The following GPHN variants were observed in gnomAD, a reference collection of about 807,000 sequenced individuals.
The protein encoded by GPHN is gephyrin.
A neutral mutation model predicts 95.5 loss-of-function variants in GPHN; 17 were observed. That is an observed-to-expected ratio of 0.18 (90% CI 0.12 to 0.27). GPHN has a LOEUF of 0.27. GPHN is among the 10% of genes least tolerant of loss of function. The pLI is 1.00. For missense variants in GPHN, 660 were observed against 978.1 expected, an observed-to-expected ratio of 0.67 and a Z score of 4.34; for synonymous variants, 320 against 322.5, an observed-to-expected ratio of 0.99 and a Z score of 0.08.
At chr14:67,102,162 G>A (rs966479476) in intron 13 of GPHN, among the ~76,000 whole-genome samples, 1 of 151,790 alleles carries the variant, frequency 6.6e-6, no homozygotes, top group South Asian at 2.1e-4. Context: ...GTGAGCCACC[G>A]CGCCCGGCCT....
chr14:67,182,934 C>T (rs2083344394), downstream of GPHN, among the ~76,000 whole-genome samples: 1 of 145,236 alleles, frequency 6.9e-6, no homozygotes, highest in Non-Finnish European at 1.5e-5. Flanking sequence ...CAGCCTCGAA[C>T]TCCTGGCCTC....
intron 1 of GPHN, among the ~76,000 whole-genome samples, chr14:66,580,346 A>T (rs573511548): frequency 3.9e-5 from 6 of 152,006 alleles, no homozygotes; most frequent in African/African-American, 1.4e-4. Flanking sequence ...TGAATGAAAT[A>T]TTAAAAATCA....
At chr14:66,863,153 A>C (rs1385799734) in intron 4 of GPHN, among the ~76,000 whole-genome samples, 1 of 152,128 alleles carries the variant, frequency 6.6e-6, no homozygotes, top group Non-Finnish European at 1.5e-5. Context: ...ATCAACATAC[A>C]AAAATCAGTA....
In GPHN at chr14:67,111,921, T is replaced by C; in HGVS notation, c.1472+2T>C. On this transcript the variant is annotated splice_donor_variant, in intron 15 of 22. Coordinates refer to ENST00000478722, the MANE Select transcript of GPHN (RefSeq NM_020806.5). LOFTEE classifies it high-confidence loss of function. The stretch of plus-strand genomic sequence containing the variant: ...AGCTCGGCCAGGCCAAGATATCAGG[T>C]AACTTCAAAACACATAGAATATATA... 6.2e-7 allele frequency: 1 copy of C among 1,608,968 alleles called. No homozygotes were observed. The highest frequency in any genetic ancestry group is 8.5e-7 in the Non-Finnish European group (1 of 1,175,334).
chr14:66,697,271 T>C (rs2068161767), intron 2 of GPHN, among the ~76,000 whole-genome samples: 1 of 152,216 alleles, frequency 6.6e-6, no homozygotes, highest in Admixed American at 6.5e-5. Context: ...TAAACAAATG[T>C]GTTTGACTAC....
the GPHN span, among the ~76,000 whole-genome samples, chr14:67,215,154 A>C: frequency 3.3e-5 from 5 of 152,174 alleles, no homozygotes; most frequent in Non-Finnish European, 5.9e-5. Flanking sequence ...TCTATCAAGC[A>C]AGGATTCCCC....
the GPHN span, among the ~76,000 whole-genome samples, chr14:67,701,509 C>T: frequency 2.7e-5 from 4 of 148,954 alleles, no homozygotes; most frequent in African/African-American, 5.0e-5. Flanking sequence ...CTGCAAACTC[C>T]GCATTCCAGG....
chr14:67,417,424 G>A, the GPHN span, among the ~76,000 whole-genome samples: 2 of 152,128 alleles, frequency 1.3e-5, no homozygotes, highest in Non-Finnish European at 2.9e-5. Flanking sequence ...CACCTCCAGA[G>A]TTATGGATAT....
At chr14:66,895,516 A>G (rs1396235850) in intron 5 of GPHN, among the ~76,000 whole-genome samples, 36 of 152,328 alleles carry the variant, frequency 2.4e-4, no homozygotes, top group Admixed American at 2.4e-3. Flanking sequence ...ATTTTAAAAA[A>G]TATGTTTATT....
chr14:66,575,377 T>G (rs1450130943), intron 1 of GPHN, among the ~76,000 whole-genome samples: 2 of 152,242 alleles, frequency 1.3e-5, no homozygotes, highest in Admixed American at 6.5e-5. Flanking sequence ...ATTTTTGTCT[T>G]TGCCATTTGA....
chr14:67,280,609 A>G, the GPHN span, among the ~76,000 whole-genome samples: 1 of 152,182 alleles, frequency 6.6e-6, no homozygotes, highest in African/African-American at 2.4e-5. Context: ...AATTTGCCAG[A>G]TCAGGTGTTG....
the GPHN span, among the ~76,000 whole-genome samples, chr14:67,230,142 T>A: frequency 3.3e-5 from 5 of 152,242 alleles, no homozygotes; most frequent in African/African-American, 1.2e-4. Flanking sequence ...GGAAAAAGAT[T>A]AATAAATTGA....
chr14:66,534,936 C>T (rs774254072), intron 1 of GPHN, among the ~76,000 whole-genome samples: 3 of 152,104 alleles, frequency 2.0e-5, no homozygotes, highest in Non-Finnish European at 4.4e-5. Context: ...AGTCATTTCA[C>T]TCTCTTAATA....
At chr14:66,798,924 T>C (rs143036076) in intron 3 of GPHN, among the ~76,000 whole-genome samples, 77 of 152,032 alleles carry the variant, frequency 5.1e-4, no homozygotes, top group African/African-American at 1.7e-3. Flanking sequence ...ATTTGAAGTT[T>C]CCTCCTTTTT....
chr14:67,345,919 C>T, the GPHN span: 1 of 1,218,084 alleles, frequency 8.2e-7, no homozygotes, highest in South Asian at 1.3e-5. Flanking sequence ...AAAATATCTT[C>T]CCTATAAAAT....
chr14:67,066,450 A>G (rs1433293396), intron 11 of GPHN, among the ~76,000 whole-genome samples: 6 of 152,106 alleles, frequency 3.9e-5, no homozygotes, highest in Admixed American at 3.3e-4. Flanking sequence ...TGTTCTCTGT[A>G]TTCCCTGAAA....
At chr14:67,179,495 T>G in intron 21 of GPHN, 83 bp from the exon 22 acceptor site, 1 of 798,390 alleles carries the variant, frequency 1.3e-6, no homozygotes. Flanking sequence ...TCCACTGTAT[T>G]CTTTGCACAA....
At chr14:67,308,152 G>A in the GPHN span, among the ~76,000 whole-genome samples, 1 of 151,314 alleles carries the variant, frequency 6.6e-6, no homozygotes, top group African/African-American at 2.4e-5. Flanking sequence ...CCTGGGTGAT[G>A]AAATAATCTG....
chr14:66,667,352 C>T (rs1296195664), intron 1 of GPHN, among the ~76,000 whole-genome samples: 4 of 152,128 alleles, frequency 2.6e-5, no homozygotes, highest in South Asian at 2.1e-4. Context: ...CCCAAGCAAT[C>T]GTAAGCCTAA....
Sources: allele counts gnomAD v4.1 joint callset (sites outside exome capture counted in the v4.1 genomes callset), GRCh38; gene constraint gnomAD v4.1.1; transcripts MANE v1.5; gene names NCBI Gene and HGNC (gene_info 2026-07-23, HGNC 2026-07-21).